KLHL1: variants seen among roughly 807,000 people sequenced by gnomAD.
KLHL1 encodes the protein kelch-like protein 1.
KLHL1 carries 47 observed loss-of-function variants against 77.7 expected under a neutral mutation model. The observed-to-expected ratio is 0.60, with a 90% confidence interval of 0.48 to 0.77. The LOEUF (loss-of-function observed/expected upper bound fraction) is 0.77, where lower values mean the gene tolerates loss of function less well. Among genes scored for constraint, KLHL1 ranks in the 30% least tolerant of loss-of-function variants. The pLI, the probability that KLHL1 is intolerant of heterozygous loss-of-function variation, is 0.00. For missense variants in KLHL1, 925 were observed against 910.8 expected, an observed-to-expected ratio of 1.02 and a Z score of -0.20; for synonymous variants, 360 against 325.2, an observed-to-expected ratio of 1.11 and a Z score of -1.15.
intron 1 of KLHL1, among the ~76,000 whole-genome samples, chr13:70,064,215 T>C (rs61964245): frequency 1.3e-5 from 2 of 152,152 alleles, no homozygotes; most frequent in Non-Finnish European, 2.9e-5. Context: ...AACCTTGATA[T>C]ATTTCTTGGA....
At chr13:70,027,778 G>A (rs535599251) in intron 1 of KLHL1, among the ~76,000 whole-genome samples, 1 of 151,500 alleles carries the variant, frequency 6.6e-6, no homozygotes, top group Non-Finnish European at 1.5e-5. Flanking sequence ...CTGAGATTTG[G>A]GGATTTATTA....
chr13:70,027,649 G>GTTT (rs1185282462), intron 1 of KLHL1, among the ~76,000 whole-genome samples: 5 of 109,334 alleles, frequency 4.6e-5, no homozygotes, highest in East Asian at 2.8e-4. Context: ...CAAAATGTAA[G>GTTT]TTGTTTTTTT....
intron 1 of KLHL1, among the ~76,000 whole-genome samples, chr13:70,070,176 A>T (rs1339939825): frequency 6.6e-6 from 1 of 151,910 alleles, no homozygotes; most frequent in Non-Finnish European, 1.5e-5. Flanking sequence ...AAGCAGAAGA[A>T]ATAATTATAG....
intron 4 of KLHL1, among the ~76,000 whole-genome samples, chr13:69,897,571 C>T (rs1881692962): frequency 6.6e-6 from 1 of 152,170 alleles, no homozygotes; most frequent in Non-Finnish European, 1.5e-5. Context: ...TAGCGAGGGA[C>T]ATTGGTTCCT....
At chr13:69,744,903 T>C (rs1874141152) in intron 7 of KLHL1, among the ~76,000 whole-genome samples, 1 of 152,052 alleles carries the variant, frequency 6.6e-6, no homozygotes, top group Non-Finnish European at 1.5e-5. Flanking sequence ...TGGTTTCCAG[T>C]TCTAATATTT....
intron 1 of KLHL1, among the ~76,000 whole-genome samples, chr13:70,000,464 T>C (rs1021273743): frequency 3.9e-5 from 6 of 152,028 alleles, no homozygotes; most frequent in Non-Finnish European, 7.4e-5. Flanking sequence ...AGTTATATAA[T>C]ACCGTTAGTA....
intron 9 of KLHL1, among the ~76,000 whole-genome samples, chr13:69,711,130 G>A (rs1875857558): frequency 1.3e-5 from 2 of 151,732 alleles, no homozygotes; most frequent in African/African-American, 2.4e-5. Context: ...GATAATAATC[G>A]GCCTTAACAT....
At chr13:69,839,212 A>T (rs778196823) in intron 5 of KLHL1, 50 bp from the exon 6 acceptor site, 6 of 1,260,118 alleles carry the variant, frequency 4.8e-6, no homozygotes, top group Middle Eastern at 2.3e-4. Flanking sequence ...AGAGATGAAC[A>T]TTATGTCATT....
chr13:69,954,720 C>T (rs1883813957), intron 3 of KLHL1, among the ~76,000 whole-genome samples: 1 of 151,146 alleles, frequency 6.6e-6, no homozygotes, highest in African/African-American at 2.4e-5. Flanking sequence ...ATAACAGTCA[C>T]AAAATTGAAA....
At chr13:69,933,824 AT>A (rs1883084571) in intron 4 of KLHL1, among the ~76,000 whole-genome samples, 2 of 151,874 alleles carry the variant, frequency 1.3e-5, no homozygotes, top group Non-Finnish European at 2.9e-5. Flanking sequence ...AGAAAAAAAA[AT>A]CACAAAGTTC....
chr13:69,782,836 G>A (rs1311060262), intron 7 of KLHL1, among the ~76,000 whole-genome samples: 1 of 152,302 alleles, frequency 6.6e-6, no homozygotes, highest in South Asian at 2.1e-4. Flanking sequence ...CACGCAGCTG[G>A]TGATCTGAGA....
At chr13:69,816,976 A>G (rs907002989) in intron 6 of KLHL1, among the ~76,000 whole-genome samples, 6 of 151,694 alleles carry the variant, frequency 4.0e-5, no homozygotes, top group Admixed American at 2.0e-4. Context: ...AAAAAAATAA[A>G]TAAATAAAAA....
chr13:69,702,480 T>C (rs1443811565), intron 10 of KLHL1, among the ~76,000 whole-genome samples: 1 of 151,734 alleles, frequency 6.6e-6, no homozygotes, highest in Non-Finnish European at 1.5e-5. Flanking sequence ...ATTACAGTTT[T>C]CTAAGAATAT....
chr13:69,924,535 T>G (rs973850973), intron 4 of KLHL1, among the ~76,000 whole-genome samples: 3 of 152,086 alleles, frequency 2.0e-5, no homozygotes, highest in African/African-American at 7.2e-5. Context: ...CCACAGAAAG[T>G]CTCTTCTGAG....
chr13:69,920,821 A>G (rs566533305), intron 4 of KLHL1, among the ~76,000 whole-genome samples: 14 of 152,280 alleles, frequency 9.2e-5, no homozygotes, highest in Non-Finnish European at 1.8e-4. Flanking sequence ...CTCAGACAAA[A>G]AACACCTCTA....
intron 7 of KLHL1, among the ~76,000 whole-genome samples, chr13:69,791,646 T>C (rs1295860278): frequency 2.0e-5 from 3 of 152,130 alleles, no homozygotes; most frequent in African/African-American, 7.2e-5. Context: ...TTATGGCCAA[T>C]TGATTTTTGA....
At chr13:69,934,711 C>T (rs930887565) in intron 4 of KLHL1, among the ~76,000 whole-genome samples, 1 of 151,444 alleles carries the variant, frequency 6.6e-6, no homozygotes, top group Non-Finnish European at 1.5e-5. Context: ...TCTTCTTGTC[C>T]CTCTCCACCA....
chr13:69,820,276 G>A (rs1353463306), intron 6 of KLHL1, among the ~76,000 whole-genome samples: 2 of 152,150 alleles, frequency 1.3e-5, no homozygotes, highest in Non-Finnish European at 2.9e-5. Context: ...CCATAACAGG[G>A]TTCACATATC....
intron 6 of KLHL1, among the ~76,000 whole-genome samples, chr13:69,802,677 C>T (rs56217462): frequency 0.019 from 2,897 of 151,856 alleles, 82 homozygotes; most frequent in African/African-American, 0.066. Context: ...CATGCAGCCC[C>T]CCAGTCCCGT....
Sources: allele counts gnomAD v4.1 joint callset (sites outside exome capture counted in the v4.1 genomes callset), GRCh38; gene constraint gnomAD v4.1.1; transcripts MANE v1.5; gene names NCBI Gene and HGNC (gene_info 2026-07-23, HGNC 2026-07-21).